LGSN: variants seen among roughly 807,000 people sequenced by gnomAD.
The protein encoded by LGSN is lengsin.
LGSN carries 21 observed loss-of-function variants against 19.5 expected under a neutral mutation model. The observed-to-expected ratio is 1.07, with a 90% CI of 0.76 to 1.55. The LOEUF is 1.55. Ranked by LOEUF, LGSN falls within the 40% of genes most tolerant of loss-of-function variation. The probability of loss-of-function intolerance (pLI) is 0.00; values close to 1 mark genes in which losing one functional copy is unlikely to be tolerated. For missense variants in LGSN, 673 were observed against 608.5 expected, an observed-to-expected ratio of 1.11 and a Z score of -1.12; for synonymous variants, 257 against 215.6, an observed-to-expected ratio of 1.19 and a Z score of -1.68.
At chr6:63,334,543 A>G in the LGSN span, among the ~76,000 whole-genome samples, 1 of 152,218 alleles carries the variant, frequency 6.6e-6, no homozygotes. Flanking sequence ...GCCCAAAGCA[A>G]TCTACATATT....
chr6:63,496,688 A>T, the LGSN span, among the ~76,000 whole-genome samples: 3 of 150,394 alleles, frequency 2.0e-5, no homozygotes, highest in African/African-American at 7.5e-5. Context: ...TTCTGAGCTC[A>T]GCCATCCTCC....
the LGSN span, among the ~76,000 whole-genome samples, chr6:63,422,993 G>A: frequency 2.6e-5 from 4 of 152,230 alleles, no homozygotes; most frequent in Admixed American, 2.6e-4. Flanking sequence ...AAAGTAAAAT[G>A]ATAGAAAAAA....
the LGSN span, among the ~76,000 whole-genome samples, chr6:63,435,962 C>T: frequency 1.1e-4 from 17 of 150,112 alleles, no homozygotes; most frequent in African/African-American, 2.9e-4. Flanking sequence ...AACTTCATCA[C>T]TAATCTCTGT....
chr6:63,433,599 C>A, the LGSN span, among the ~76,000 whole-genome samples: 1 of 152,210 alleles, frequency 6.6e-6, no homozygotes, highest in Non-Finnish European at 1.5e-5. Flanking sequence ...TCAATCACAT[C>A]CAACTACTAC....
the LGSN span, among the ~76,000 whole-genome samples, chr6:63,361,138 A>G: frequency 6.6e-6 from 1 of 152,224 alleles, no homozygotes; most frequent in Non-Finnish European, 1.5e-5. Flanking sequence ...GTCCATTCTC[A>G]GATCTCAAGC....
the LGSN span, among the ~76,000 whole-genome samples, chr6:63,352,052 A>G: frequency 6.6e-6 from 1 of 152,230 alleles, no homozygotes; most frequent in Non-Finnish European, 1.5e-5. Context: ...TAAAACAAGA[A>G]ATGGTTGAGA....
chr6:63,338,262 G>A, the LGSN span, among the ~76,000 whole-genome samples: 8 of 152,042 alleles, frequency 5.3e-5, no homozygotes, highest in Non-Finnish European at 8.8e-5. Context: ...TAAATAAGAA[G>A]CCATTATAGG....
At chr6:63,490,853 A>G in the LGSN span, among the ~76,000 whole-genome samples, 1 of 152,214 alleles carries the variant, frequency 6.6e-6, no homozygotes, top group Non-Finnish European at 1.5e-5. Flanking sequence ...CCTGGGACCA[A>G]CGGGAGCCAA....
intron 1 of LGSN, among the ~76,000 whole-genome samples, chr6:63,316,869 C>G (rs1423913753): frequency 6.6e-6 from 1 of 151,916 alleles, no homozygotes; most frequent in Non-Finnish European, 1.5e-5. Flanking sequence ...TGGGCTGCTG[C>G]AGCATATAAA....
the LGSN span, among the ~76,000 whole-genome samples, chr6:63,553,870 C>A: frequency 6.6e-6 from 1 of 152,086 alleles, no homozygotes; most frequent in Admixed American, 6.6e-5. Flanking sequence ...GTATTTGAGT[C>A]AGGTTATTCA....
chr6:63,501,097 C>T, the LGSN span, among the ~76,000 whole-genome samples: 1 of 152,014 alleles, frequency 6.6e-6, no homozygotes, highest in Non-Finnish European at 1.5e-5. Context: ...GAAGACTGGG[C>T]CTGGTGGCTC....
the LGSN span, among the ~76,000 whole-genome samples, chr6:63,536,197 G>A: frequency 6.6e-6 from 1 of 152,176 alleles, no homozygotes; most frequent in Non-Finnish European, 1.5e-5. Flanking sequence ...TGGGCGTGGT[G>A]GCGGGTGCCT....
chr6:63,435,764 G>C, the LGSN span, among the ~76,000 whole-genome samples: 2 of 151,514 alleles, frequency 1.3e-5, no homozygotes, highest in African/African-American at 4.9e-5. Context: ...AAATAAAATC[G>C]AATTGAATAT....
chr6:63,480,986 TACACACACAC>T, the LGSN span, among the ~76,000 whole-genome samples: 10 of 43,994 alleles, frequency 2.3e-4, no homozygotes, highest in Admixed American at 5.1e-4. Flanking sequence ...TATATATATA[TACACACACAC>T]ATACATACAT....
At chr6:63,385,630 G>A in the LGSN span, among the ~76,000 whole-genome samples, 26 of 151,944 alleles carry the variant, frequency 1.7e-4, no homozygotes, top group African/African-American at 5.8e-4. Context: ...CCTCCAACCC[G>A]TCACAGAGTT....
At chr6:63,444,476 T>C in the LGSN span, among the ~76,000 whole-genome samples, 1 of 152,212 alleles carries the variant, frequency 6.6e-6, no homozygotes, top group African/African-American at 2.4e-5. Context: ...TCTTTATATG[T>C]AAGGAATAGA....
chr6:63,419,214 T>C, the LGSN span, among the ~76,000 whole-genome samples: 4 of 152,206 alleles, frequency 2.6e-5, no homozygotes, highest in Non-Finnish European at 5.9e-5. Context: ...CAGAGTTTTA[T>C]GTTTGTTTTA....
the LGSN span, among the ~76,000 whole-genome samples, chr6:63,553,337 G>C: frequency 6.6e-6 from 1 of 152,206 alleles, no homozygotes; most frequent in African/African-American, 2.4e-5. Context: ...CTCGGGTTCA[G>C]ATAGAATCTC....
the LGSN span, among the ~76,000 whole-genome samples, chr6:63,347,547 T>C: frequency 7.9e-5 from 12 of 152,236 alleles, no homozygotes; most frequent in Admixed American, 5.9e-4. Context: ...ATTCCATCAG[T>C]TCATTCACTC....
Sources: gnomAD v4.1 joint callset for allele counts (sites outside exome capture counted in the v4.1 genomes callset) on GRCh38, gnomAD v4.1.1 for gene constraint, MANE v1.5 for transcripts, NCBI Gene and HGNC (gene_info 2026-07-23, HGNC 2026-07-21) for gene names.